ZHX3: variants seen among roughly 807,000 people sequenced by gnomAD.
ZHX3 encodes the protein zinc fingers and homeoboxes protein 3.
Under a neutral mutation model 64.5 loss-of-function variants are expected in ZHX3, and 20 were observed. That is an observed-to-expected ratio of 0.31 (90% confidence interval 0.22 to 0.45). The LOEUF (loss-of-function observed/expected upper bound fraction) is 0.45. Ranked by LOEUF, ZHX3 falls within the 20% of genes least tolerant of loss-of-function variation. The pLI, the probability that ZHX3 is intolerant of heterozygous loss-of-function variation, is 1.00. For missense variants in ZHX3, 1,041 were observed against 1,195.8 expected, an observed-to-expected ratio of 0.87 and a Z score of 1.91; for synonymous variants, 423 against 461.6, an observed-to-expected ratio of 0.92 and a Z score of 1.07.
At position 41,179,890 on chromosome 20, in the gene ZHX3, A is replaced by C. The variant is rs563956522; in HGVS notation, c.*5301T>G. The C allele has an allele frequency of 5.9e-5, 9 of 152,452 alleles. 1 individual carries two copies. Among genetic ancestry groups the C allele is most frequent in the African/African-American group, 1.9e-4 (8 of 41,584 alleles). 9.4% of individuals were successfully genotyped at this position (152,452 alleles called of 1,614,324 possible). A position where few individuals can be genotyped will look rare whatever the true frequency, so the allele number is the denominator to read the frequency against. On this transcript the variant is annotated 3_prime_UTR_variant, in exon 4 of 4. Coordinates refer to ENST00000683867, the MANE Select transcript of ZHX3 (RefSeq NM_001384317.1). This position sits in a 1 kb window ranked among gnomAD's most constrained non-coding sequence, Gnocchi z 4.3. ...GGTGATCCGCCTCCCTTGGCCTCCC[A>C]AAGTGCTGGGATTACAGGTGTGAGC...
intron 2 of ZHX3, among the ~76,000 whole-genome samples, chr20:41,234,701 G>A (rs187433076): frequency 1.1e-4 from 16 of 152,320 alleles, no homozygotes; most frequent in Non-Finnish European, 1.9e-4. Flanking sequence ...CAGCCCTTTG[G>A]TTACTGGCTG....
intron 1 of ZHX3, among the ~76,000 whole-genome samples, chr20:41,313,747 G>A (rs1050472418): frequency 6.6e-6 from 1 of 151,968 alleles, no homozygotes; most frequent in East Asian, 1.9e-4. Flanking sequence ...ACAGGCGCCC[G>A]CCAACACACC....
In ZHX3 at chr20:41,185,252, C is replaced by T. The variant is rs1279247977; in HGVS notation, c.2861-51G>A. The T allele has an allele frequency of 1.3e-6, 2 of 1,559,110 alleles. No individual in the cohort carries two copies. Among genetic ancestry groups the T allele is most frequent in the East Asian group, 2.3e-5 (1 of 44,240 alleles). On this transcript the variant is annotated intron_variant, in intron 3 of 3. Coordinates refer to ENST00000683867, the MANE Select transcript of ZHX3 (RefSeq NM_001384317.1). This position sits in a 1 kb window ranked among gnomAD's most constrained non-coding sequence, Gnocchi z 5.0. Reference sequence around the variant, plus strand: ...CTCTACGGCAGCTGCCACCACCTGCCCCCCAGGCAGCCTGGTCCTTGCTAT... The same window carrying T: ...CTCTACGGCAGCTGCCACCACCTGCTCCCCAGGCAGCCTGGTCCTTGCTAT...
At chr20:41,193,137 G>A (rs552985320) in intron 3 of ZHX3, among the ~76,000 whole-genome samples, 2 of 152,298 alleles carry the variant, frequency 1.3e-5, no homozygotes, top group South Asian at 2.1e-4. Flanking sequence ...TGGAAGAGGC[G>A]AGTACAAAAT....
At chr20:41,282,444 C>T (rs1288722841) in intron 1 of ZHX3, among the ~76,000 whole-genome samples, 3 of 141,018 alleles carry the variant, frequency 2.1e-5, no homozygotes, top group South Asian at 2.4e-4. Context: ...CTGCAACATT[C>T]GCCTCCAGGG....
In ZHX3 at chr20:41,232,290, TAA is replaced by T. The variant is rs78969599; in HGVS notation, c.-150-27226_-150-27225del. 2.0e-4 allele frequency among the ~76,000 whole-genome samples: 25 copies of T among 123,318 alleles called. No individual in the cohort carries two copies. Among genetic ancestry groups the T allele is most frequent in the Non-Finnish European group, 1.8e-4 (10 of 56,884 alleles). The allele number at this position is 123,318 out of a possible 152,430, so 80.9% of individuals were successfully genotyped here. On this transcript the variant is annotated intron_variant, in intron 2 of 3. Coordinates refer to ENST00000683867, the MANE Select transcript of ZHX3 (RefSeq NM_001384317.1). The surrounding 1 kb of genome is among the most constrained non-coding windows in gnomAD (Gnocchi z 5.0). ...TTGAAAATGGACTTACGCTGCAGCATAAAAAAAAAAAAAAGGTCTAGTTTTAA... is the reference window on the plus strand; with the variant it reads ...TTGAAAATGGACTTACGCTGCAGCATAAAAAAAAAAAAGGTCTAGTTTTAA...
chr20:41,233,135 C>A (rs1381865855), intron 2 of ZHX3, among the ~76,000 whole-genome samples: 2 of 152,234 alleles, frequency 1.3e-5, no homozygotes, highest in South Asian at 4.1e-4. Flanking sequence ...AATTCAGACT[C>A]TGATACAACT....
intron 2 of ZHX3, among the ~76,000 whole-genome samples, chr20:41,241,733 GT>G (rs1467582995): frequency 6.6e-6 from 1 of 152,100 alleles, no homozygotes. Flanking sequence ...ATTCTGGGTT[GT>G]TTGTGGTTCC....
At chr20:41,273,824 G>C (rs561256418) in intron 1 of ZHX3, among the ~76,000 whole-genome samples, 3 of 152,168 alleles carry the variant, frequency 2.0e-5, no homozygotes, top group Non-Finnish European at 2.9e-5. Context: ...TGACTATTCA[G>C]GGTCCCTTGC....
At chr20:41,234,799 G>A (rs759273826) in intron 2 of ZHX3, among the ~76,000 whole-genome samples, 34 of 152,264 alleles carry the variant, frequency 2.2e-4, no homozygotes, top group East Asian at 5.8e-4. Flanking sequence ...CTGGCTGCTC[G>A]GCCAGGCCTT....
chr20:41,231,017 C>G (rs2040570073), intron 2 of ZHX3, among the ~76,000 whole-genome samples: 2 of 152,152 alleles, frequency 1.3e-5, no homozygotes, highest in Non-Finnish European at 2.9e-5. Flanking sequence ...TGTGCTCTGC[C>G]TGTTCATCCC....
chr20:41,264,576 A>T lies in ZHX3; in HGVS notation c.-151+4414T>A, dbSNP rs969056142. ...CTCCATCTCAAAAAAAAAAAAAAAA[A>T]AATCAAATAATTATACCCCTAAAAA... On this transcript the variant is annotated intron_variant, in intron 2 of 3. Coordinates refer to ENST00000683867, the MANE Select transcript of ZHX3 (RefSeq NM_001384317.1). Among the ~76,000 whole-genome samples the T allele has an allele frequency of 7.4e-4, 112 of 151,404 alleles. 2 individuals are homozygous for T. Among genetic ancestry groups the T allele is most frequent in the African/African-American group, 2.6e-3 (108 of 41,332 alleles).
At chr20:41,252,542 T>TGCC (rs1166182833) in intron 2 of ZHX3, among the ~76,000 whole-genome samples, 2 of 152,220 alleles carry the variant, frequency 1.3e-5, no homozygotes, top group African/African-American at 4.8e-5. Flanking sequence ...CATTTTATAC[T>TGCC]GCCAAGTAAG....
intron 1 of ZHX3, among the ~76,000 whole-genome samples, chr20:41,275,119 T>C (rs956976791): frequency 2.0e-5 from 3 of 151,940 alleles, no homozygotes; most frequent in Admixed American, 6.6e-5. Flanking sequence ...GATTGTGCCA[T>C]TGCACTCCAG....
intron 1 of ZHX3, among the ~76,000 whole-genome samples, chr20:41,316,011 G>GA (rs756480816): frequency 0.015 from 1,954 of 127,208 alleles, 14 homozygotes; most frequent in Middle Eastern, 0.043. Context: ...ACTTCAATAT[G>GA]AAAAAAAAAA....
At chr20:41,187,198 G>A (rs1429665779) in intron 3 of ZHX3, among the ~76,000 whole-genome samples, 4 of 151,812 alleles carry the variant, frequency 2.6e-5, no homozygotes, top group African/African-American at 9.7e-5. Context: ...TTAGCCAGGT[G>A]TGCACACTTG....
intron 3 of ZHX3, among the ~76,000 whole-genome samples, chr20:41,196,068 T>C (rs1339744810): frequency 1.3e-5 from 2 of 151,634 alleles, no homozygotes; most frequent in African/African-American, 4.8e-5. Flanking sequence ...TCTGCTGTTG[T>C]TGGGTGGTAT....
rs112928317 is a variant in ZHX3 at position 41,278,680 on chromosome 20, C to G, written c.-244-9597G>C. Among the ~76,000 whole-genome samples, 2 of 141,692 alleles carry G rather than the reference C, an allele frequency of 1.4e-5. 1 individual carries two copies. Among genetic ancestry groups the G allele is most frequent in the African/African-American group, 5.3e-5 (2 of 37,746 alleles). The allele number at this position is 141,692 out of a possible 152,430, so 93.0% of individuals were successfully genotyped here. A position where few individuals can be genotyped will look rare whatever the true frequency, so the allele number is the denominator to read the frequency against. On this transcript the variant is annotated intron_variant, in intron 1 of 3. Transcript: ENST00000683867. Reference sequence around the variant, plus strand: ...ACTTATTGTAGATATATGGAAAATACAGAAGAGTATAAGACTATAGAGGAA... The same window carrying G: ...ACTTATTGTAGATATATGGAAAATAGAGAAGAGTATAAGACTATAGAGGAA...
Position 41,184,787 on chromosome 20 carries a change from A to G in ZHX3, c.*404T>C, listed in dbSNP as rs931264214. On this transcript the variant is annotated 3_prime_UTR_variant, in exon 4 of 4. Transcript: ENST00000683867. ...ATTTTTAGAGATGACGTAACTGACA[A>G]TGCACTGCTTGGCTAACCAAAGTTT... 4 of 1,103,680 alleles carry G rather than the reference A, an allele frequency of 3.6e-6. No homozygotes were observed. The highest frequency in any genetic ancestry group is 1.6e-5 in the African/African-American group (1 of 63,216). 68.4% of individuals were successfully genotyped at this position (1,103,680 alleles called of 1,614,324 possible).
Sources: allele counts gnomAD v4.1 joint callset (sites outside exome capture counted in the v4.1 genomes callset), GRCh38; gene constraint gnomAD v4.1.1; non-coding constraint Gnocchi (gnomAD v3.1); transcripts MANE v1.5; gene names NCBI Gene and HGNC (gene_info 2026-07-23, HGNC 2026-07-21).